The following HTR7 variants were observed in gnomAD, a reference collection of about 807,000 sequenced individuals.
The protein encoded by HTR7 is 5-HT-7.
In HTR7, 16 loss-of-function variants were observed where a neutral mutation model predicts 34.0. The ratio of observed to expected loss-of-function variants is 0.47; its 90% confidence interval spans 0.32 to 0.71. The LOEUF (loss-of-function observed/expected upper bound fraction) is 0.71. HTR7 is among the 30% of genes least tolerant of loss of function. HTR7 has a pLI of 0.04. For synonymous variants in HTR7, 265 were observed against 260.2 expected, an observed-to-expected ratio of 1.02 and a Z score of -0.18; for missense variants, 504 against 625.5, an observed-to-expected ratio of 0.81 and a Z score of 2.07.
intron 1 of HTR7, among the ~76,000 whole-genome samples, chr10:90,787,052 C>T (rs1262454085): frequency 2.6e-5 from 4 of 152,204 alleles, no homozygotes; most frequent in Non-Finnish European, 5.9e-5. Context: ...AGCTTCTGAG[C>T]TCCTGTTAGA....
At chr10:90,743,483 G>GGA in intron 3 of HTR7, 110 bp downstream of exon 3, 10 of 872,418 alleles carry the variant, frequency 1.1e-5, no homozygotes, top group Non-Finnish European at 1.7e-5. Context: ...CCCAGCACAG[G>GGA]AGAGACAGTG....
At chr10:90,804,085 T>G (rs903201125) in intron 1 of HTR7, among the ~76,000 whole-genome samples, 1 of 152,186 alleles carries the variant, frequency 6.6e-6, no homozygotes, top group Non-Finnish European at 1.5e-5. Flanking sequence ...AAGGAGCAAC[T>G]GAGCATCAGA....
At chr10:90,758,512 T>C (rs1160766916) in intron 1 of HTR7, among the ~76,000 whole-genome samples, 2 of 151,892 alleles carry the variant, frequency 1.3e-5, no homozygotes, top group African/African-American at 4.8e-5. Context: ...CACACAAAGA[T>C]AAGACATAAT....
At chr10:90,799,346 A>C (rs1022570561) in intron 1 of HTR7, among the ~76,000 whole-genome samples, 2 of 66,546 alleles carry the variant, frequency 3.0e-5, no homozygotes, top group Non-Finnish European at 6.0e-5. Context: ...TGCATGAATG[A>C]ATGAATGAAT....
At chr10:90,767,953 C>T (rs999229244) in intron 1 of HTR7, among the ~76,000 whole-genome samples, 9 of 152,106 alleles carry the variant, frequency 5.9e-5, no homozygotes, top group African/African-American at 2.2e-4. Flanking sequence ...CGACTGCCTC[C>T]TTCACATCTC....
At chr10:90,839,628 T>C (rs1846299132) in intron 1 of HTR7, among the ~76,000 whole-genome samples, 1 of 152,056 alleles carries the variant, frequency 6.6e-6, no homozygotes. Flanking sequence ...ACAGATGCAC[T>C]AGAGATAGTC....
chr10:90,785,556 C>G (rs1373750764), intron 1 of HTR7, among the ~76,000 whole-genome samples: 1 of 152,132 alleles, frequency 6.6e-6, no homozygotes, highest in Non-Finnish European at 1.5e-5. Context: ...TAACACATGA[C>G]TCAGTACCTG....
chr10:90,765,379 A>G (rs1315158105), intron 1 of HTR7, among the ~76,000 whole-genome samples: 1 of 152,088 alleles, frequency 6.6e-6, no homozygotes, highest in Admixed American at 6.5e-5. Context: ...CTGTGACATC[A>G]GTTTTAATGT....
intron 1 of HTR7, among the ~76,000 whole-genome samples, chr10:90,822,433 G>C (rs998800281): frequency 5.9e-5 from 9 of 152,208 alleles, no homozygotes; most frequent in Admixed American, 2.0e-4. Flanking sequence ...TTTCTAAGCA[G>C]CAAAGCATTC....
chr10:90,743,851 C>T (rs1844594412), intron 2 of HTR7, 161 bp from the exon 3 acceptor site: 2 of 735,518 alleles, frequency 2.7e-6, no homozygotes, highest in Admixed American at 2.0e-5. Context: ...TTAAAATTAC[C>T]AGTGCAAAAG....
chr10:90,814,877 A>AC (rs1367673889), intron 1 of HTR7, among the ~76,000 whole-genome samples: 2 of 152,214 alleles, frequency 1.3e-5, no homozygotes, highest in Non-Finnish European at 2.9e-5. Flanking sequence ...GACAAAGATT[A>AC]CAATGAGAAA....
chr10:90,829,919 G>A (rs975903017), intron 1 of HTR7, among the ~76,000 whole-genome samples: 38 of 151,906 alleles, frequency 2.5e-4, no homozygotes, highest in African/African-American at 9.2e-4. Flanking sequence ...AGAAGTGAAA[G>A]AAATTGAAGA....
intron 1 of HTR7, among the ~76,000 whole-genome samples, chr10:90,808,985 T>C (rs185959206): frequency 1.1e-4 from 17 of 152,278 alleles, no homozygotes; most frequent in Admixed American, 1.0e-3. Context: ...TCCTAGTCTC[T>C]GTTCCCAATG....
chr10:90,857,846 G>T lies in HTR7; in HGVS notation c.-175C>A. ...GGAGCCCCGCACTCCCCGGACCCCC[G>T]GCCGCTGCGGGTAACGCGGCAGCGC... On this transcript the variant is annotated 5_prime_UTR_variant, in exon 1 of 4. Transcript: ENST00000336152. This position sits in a 1 kb window ranked among gnomAD's most constrained non-coding sequence, Gnocchi z 6.5. 1 of 557,460 alleles carries T rather than the reference G, an allele frequency of 1.8e-6. No homozygotes were observed. The highest frequency in any genetic ancestry group is 2.6e-6 in the Non-Finnish European group (1 of 379,460). 34.5% of individuals were successfully genotyped at this position (557,460 alleles called of 1,614,324 possible). A position where few individuals can be genotyped will look rare whatever the true frequency, so the allele number is the denominator to read the frequency against.
chr10:90,775,077 T>C (rs1028469004), intron 1 of HTR7, among the ~76,000 whole-genome samples: 4 of 152,232 alleles, frequency 2.6e-5, no homozygotes, highest in Admixed American at 2.0e-4. Context: ...AAGTTACCCA[T>C]ACTCTCATCA....
At chr10:90,781,285 T>C (rs1171095661) in intron 1 of HTR7, among the ~76,000 whole-genome samples, 2 of 152,228 alleles carry the variant, frequency 1.3e-5, no homozygotes, top group Non-Finnish European at 2.9e-5. Context: ...ATATATGGCA[T>C]CTCCCTATTA....
chr10:90,771,540 G>A (rs1342523645), intron 1 of HTR7, among the ~76,000 whole-genome samples: 1 of 152,198 alleles, frequency 6.6e-6, no homozygotes, highest in East Asian at 1.9e-4. Flanking sequence ...GCTTCTGGGT[G>A]CCACCACATT....
chr10:90,791,734 T>C (rs1350602491), intron 1 of HTR7, among the ~76,000 whole-genome samples: 3 of 152,140 alleles, frequency 2.0e-5, no homozygotes, highest in Non-Finnish European at 4.4e-5. Flanking sequence ...TGGATACGAT[T>C]ACAATTTCTA....
chr10:90,820,087 A>T (rs185053160), intron 1 of HTR7, among the ~76,000 whole-genome samples: 588 of 152,318 alleles, frequency 3.9e-3, no homozygotes, highest in South Asian at 0.011. Context: ...CTGCTTCTGC[A>T]TTCTGGGGAA....
Sources: gnomAD v4.1 joint callset for allele counts (sites outside exome capture counted in the v4.1 genomes callset) on GRCh38, gnomAD v4.1.1 for gene constraint, Gnocchi (gnomAD v3.1) non-coding constraint, MANE v1.5 for transcripts, NCBI Gene and HGNC (gene_info 2026-07-23, HGNC 2026-07-21) for gene names.